WDPCP: variants seen among roughly 807,000 people sequenced by gnomAD.
WDPCP encodes WD repeat-containing and planar cell polarity effector protein fritz homolog.
WDPCP carries 71 observed loss-of-function variants against 93.1 expected under a neutral mutation model. The observed-to-expected ratio is 0.76, with a 90% confidence interval of 0.63 to 0.93. The LOEUF is 0.93. Ranked by LOEUF, WDPCP falls within the 40% of genes least tolerant of loss-of-function variation. The pLI is 0.00. For missense variants in WDPCP, 844 were observed against 887.4 expected, an observed-to-expected ratio of 0.95 and a Z score of 0.62; for synonymous variants, 315 against 315.0, an observed-to-expected ratio of 1.00 and a Z score of 0.00.
intron 9 of WDPCP, among the ~76,000 whole-genome samples, chr2:63,428,737 C>T (rs187499718): frequency 2.0e-4 from 30 of 152,020 alleles, no homozygotes; most frequent in East Asian, 1.9e-3. Context: ...AGGGTAATCA[C>T]GCAAGATTTT....
intron 2 of WDPCP, among the ~76,000 whole-genome samples, chr2:63,708,857 A>C (rs1259920899): frequency 6.6e-6 from 1 of 151,224 alleles, no homozygotes; most frequent in Non-Finnish European, 1.5e-5. Flanking sequence ...TGATCCGCCC[A>C]CCTCAGCCTC....
At chr2:63,777,246 T>TA (rs1481085879) in intron 2 of WDPCP, among the ~76,000 whole-genome samples, 2 of 152,142 alleles carry the variant, frequency 1.3e-5, no homozygotes, top group Non-Finnish European at 2.9e-5. Context: ...TTAAAACTTT[T>TA]AAAAAACCAT....
chr2:63,484,617 T>C lies in WDPCP; in HGVS notation c.371A>G (p.Lys124Arg), dbSNP rs1349404366. ...AAATCATTTTACCTGACAGACATAT[T>C]TGTTCTTCCATTTGCTCAGCACACA... is the stretch of plus-strand genomic sequence containing the variant. Reference protein sequence around the residue: ...SRCVLSKWKNKYVCQLLFGSG... With the variant: ...SRCVLSKWKNRYVCQLLFGSG... The change falls in exon 6 of 18, where the codon AAA becomes AGA. Residue 124 changes from lysine (K) to arginine (R), a missense_variant. By Grantham distance (26) the Lys-to-Arg change is conservative. Transcript: ENST00000272321. The C allele has an allele frequency of 2.5e-6, 4 of 1,612,900 alleles. No homozygotes were observed. Among genetic ancestry groups the C allele is most frequent in the Non-Finnish European group, 3.4e-6 (4 of 1,179,240 alleles).
intron 2 of WDPCP, among the ~76,000 whole-genome samples, chr2:63,706,498 C>A (rs1037384285): frequency 4.6e-5 from 7 of 151,150 alleles, no homozygotes; most frequent in African/African-American, 1.5e-4. Flanking sequence ...CTGGTGGTGA[C>A]AGAATCTCTC....
chr2:63,673,946 T>C (rs1476285782), intron 2 of WDPCP, among the ~76,000 whole-genome samples: 1 of 152,228 alleles, frequency 6.6e-6, no homozygotes, highest in African/African-American at 2.4e-5. Flanking sequence ...TTCTACCTAG[T>C]TCCTGCTGGA....
At chr2:63,139,501 T>C (rs1210676081) in intron 17 of WDPCP, among the ~76,000 whole-genome samples, 1 of 152,146 alleles carries the variant, frequency 6.6e-6, no homozygotes, top group African/African-American at 2.4e-5. Context: ...TGATTTTTTT[T>C]ATTATGGCCA....
chr2:63,829,444 T>A (rs2104164584), upstream of WDPCP, among the ~76,000 whole-genome samples: 1 of 152,248 alleles, frequency 6.6e-6, no homozygotes. Flanking sequence ...AACTCCTTGC[T>A]TTTTTAACAA....
intron 14 of WDPCP, among the ~76,000 whole-genome samples, chr2:63,194,392 T>C (rs1675267835): frequency 6.6e-6 from 1 of 152,166 alleles, no homozygotes; most frequent in Admixed American, 6.5e-5. Flanking sequence ...TGAAGTCCCA[T>C]ACTGTTGGTC....
At chr2:63,439,638 A>G in intron 7 of WDPCP, 119 bp downstream of exon 7, 1 of 832,312 alleles carries the variant, frequency 1.2e-6, no homozygotes, top group South Asian at 1.7e-5. Flanking sequence ...CGCTATTACA[A>G]GCAATTACTT....
intron 17 of WDPCP, among the ~76,000 whole-genome samples, chr2:63,150,262 A>AG (rs1209436387): frequency 6.6e-6 from 1 of 152,108 alleles, no homozygotes; most frequent in East Asian, 1.9e-4. Flanking sequence ...GATGTCATAT[A>AG]GGGGTTTCTC....
rs181192137 is a variant in WDPCP, at chr2:63,658,164, A to G, written n.309-7326T>C. Among the ~76,000 whole-genome samples the G allele has an allele frequency of 2.8e-4, 42 of 152,248 alleles. No homozygotes were observed. The East Asian group carries it at 7.3e-3, about 27-fold the overall frequency. ...CATTGCCGTAATCTTGCTTCACATT[A>G]TACCTTTGATTCTGATTCTTGGTTT... On this transcript the variant is annotated intron_variant and non_coding_transcript_variant, in intron 2 of 4. Transcript: ENST00000467687.
intron 2 of WDPCP, among the ~76,000 whole-genome samples, chr2:63,667,899 T>C (rs1243979874): frequency 6.6e-6 from 1 of 152,194 alleles, no homozygotes; most frequent in African/African-American, 2.4e-5. Context: ...TTCTTAGGGC[T>C]GCCAGGGAAT....
intron 14 of WDPCP, among the ~76,000 whole-genome samples, chr2:63,213,187 A>G (rs1156373744): frequency 2.0e-5 from 3 of 152,208 alleles, no homozygotes; most frequent in Non-Finnish European, 4.4e-5. Context: ...TCAGCACCAC[A>G]TCGCACTTTT....
At chr2:63,276,519 G>A (rs1683101415) in intron 13 of WDPCP, among the ~76,000 whole-genome samples, 1 of 152,064 alleles carries the variant, frequency 6.6e-6, no homozygotes, top group Non-Finnish European at 1.5e-5. Flanking sequence ...GAAATAGCTG[G>A]CATAAATAAA....
intron 13 of WDPCP, among the ~76,000 whole-genome samples, chr2:63,274,095 T>C (rs1682887653): frequency 6.6e-6 from 1 of 152,134 alleles, no homozygotes; most frequent in Non-Finnish European, 1.5e-5. Flanking sequence ...TGACCATATG[T>C]GTTAGGCCAC....
chr2:63,236,281 G>A (rs148445999), intron 14 of WDPCP, among the ~76,000 whole-genome samples: 1 of 152,050 alleles, frequency 6.6e-6, no homozygotes, highest in African/African-American at 2.4e-5. Context: ...CCAAGAAAGT[G>A]AAAGGTCTCC....
chr2:63,523,077 A>G (rs1703060555), intron 1 of WDPCP, among the ~76,000 whole-genome samples: 1 of 152,212 alleles, frequency 6.6e-6, no homozygotes, highest in African/African-American at 2.4e-5. Flanking sequence ...TAGCACACAA[A>G]ATCCAGCAGC....
chr2:63,386,095 T>C (rs1438088934), intron 10 of WDPCP, among the ~76,000 whole-genome samples: 2 of 152,070 alleles, frequency 1.3e-5, no homozygotes, highest in South Asian at 2.1e-4. Context: ...TCAACCTAAA[T>C]GTAAGAGCTA....
chr2:63,728,102 T>C (rs1185711772), intron 2 of WDPCP, among the ~76,000 whole-genome samples: 1 of 152,236 alleles, frequency 6.6e-6, no homozygotes, highest in African/African-American at 2.4e-5. Context: ...AAAATTAATG[T>C]ATCTTCTAAC....
Sources: allele counts gnomAD v4.1 joint callset (sites outside exome capture counted in the v4.1 genomes callset), GRCh38; gene constraint gnomAD v4.1.1; transcripts MANE v1.5; gene names NCBI Gene and HGNC (gene_info 2026-07-23, HGNC 2026-07-21).